EEFSEC: variants seen among roughly 807,000 people sequenced by gnomAD.
The protein encoded by EEFSEC is selenocysteine-specific elongation factor.
Under a neutral mutation model 42.1 loss-of-function variants are expected in EEFSEC, and 43 were observed. The observed-to-expected ratio is 1.02, with a 90% CI of 0.80 to 1.32. The LOEUF is 1.32. Ranked by LOEUF, EEFSEC falls within the 40% of genes most tolerant of loss-of-function variation. The pLI, the probability that EEFSEC is intolerant of heterozygous loss-of-function variation, is 0.00. For synonymous variants in EEFSEC, 354 were observed against 339.1 expected (o/e 1.04, Z -0.48); for missense variants, 745 against 803.6 (o/e 0.93, Z 0.88).
chr3:128,336,454 C>G (rs2067190468), intron 4 of EEFSEC, among the ~76,000 whole-genome samples: 1 of 152,208 alleles, frequency 6.6e-6, no homozygotes, highest in South Asian at 2.1e-4. Flanking sequence ...TGTGCCCCAT[C>G]ACTGGTGGCT....
chr3:128,182,285 G>C (rs187764859), intron 1 of EEFSEC, among the ~76,000 whole-genome samples: 2 of 150,362 alleles, frequency 1.3e-5, no homozygotes, highest in Non-Finnish European at 3.0e-5. Context: ...TGAAGAAAAG[G>C]TGACTCAGAC....
intron 1 of EEFSEC, among the ~76,000 whole-genome samples, chr3:128,246,521 G>T (rs1246017015): frequency 6.6e-6 from 1 of 152,138 alleles, no homozygotes; most frequent in Non-Finnish European, 1.5e-5. Flanking sequence ...AAAGTGATAG[G>T]ATTGGTGCAA....
intron 4 of EEFSEC, among the ~76,000 whole-genome samples, chr3:128,302,133 G>A (rs2066775837): frequency 6.6e-6 from 1 of 152,090 alleles, no homozygotes; most frequent in African/African-American, 2.4e-5. Context: ...AACTTTCTTG[G>A]CATGACATTT....
downstream of EEFSEC, among the ~76,000 whole-genome samples, chr3:128,411,882 C>T (rs1462513872): frequency 6.6e-6 from 1 of 152,234 alleles, no homozygotes; most frequent in African/African-American, 2.4e-5. Flanking sequence ...CATGTGCGCA[C>T]ACGGGCTTTG....
At chr3:128,281,990 T>G (rs1038323886) in intron 4 of EEFSEC, among the ~76,000 whole-genome samples, 18 of 152,220 alleles carry the variant, frequency 1.2e-4, no homozygotes, top group Non-Finnish European at 5.9e-5. Context: ...AAGCTGAGGC[T>G]GTCCAGCCTG....
chr3:128,291,798 T>G (rs1338841292), intron 4 of EEFSEC, among the ~76,000 whole-genome samples: 1 of 152,236 alleles, frequency 6.6e-6, no homozygotes, highest in African/African-American at 2.4e-5. Context: ...TTAATTCACT[T>G]GCCAGGAAGT....
At chr3:128,379,076 C>T (rs2107612331) in intron 6 of EEFSEC, among the ~76,000 whole-genome samples, 1 of 152,350 alleles carries the variant, frequency 6.6e-6, no homozygotes. Context: ...TCTTAGCCCG[C>T]CACTGCCCTT....
chr3:128,326,053 G>A (rs1314411674), intron 4 of EEFSEC, among the ~76,000 whole-genome samples: 1 of 152,234 alleles, frequency 6.6e-6, no homozygotes, highest in African/African-American at 2.4e-5. Flanking sequence ...CTGGACCAGT[G>A]TGATCTTGTG....
chr3:128,390,959 C>T (rs901206631), intron 6 of EEFSEC, among the ~76,000 whole-genome samples: 1 of 152,362 alleles, frequency 6.6e-6, no homozygotes, highest in Admixed American at 6.5e-5. Context: ...ACCCTGGGCC[C>T]TTTGCTGATC....
At chr3:128,167,809 C>G (rs935781551) in intron 1 of EEFSEC, among the ~76,000 whole-genome samples, 1 of 152,216 alleles carries the variant, frequency 6.6e-6, no homozygotes, top group Admixed American at 6.5e-5. Flanking sequence ...CCTCCCAGAT[C>G]GTATATTTTC....
chr3:128,424,047 C>T, the EEFSEC span, among the ~76,000 whole-genome samples: 22 of 152,124 alleles, frequency 1.4e-4, no homozygotes, highest in Admixed American at 1.2e-3. Context: ...ACCACACACC[C>T]GCACACACAC....
chr3:128,300,559 A>C (rs917153585), intron 4 of EEFSEC, among the ~76,000 whole-genome samples: 1 of 151,704 alleles, frequency 6.6e-6, no homozygotes, highest in Non-Finnish European at 1.5e-5. Context: ...AAAAAAAAAA[A>C]AAAGGCCAGT....
chr3:128,327,592 A>C lies in EEFSEC; in HGVS notation c.787-13641A>C, dbSNP rs2067079009. Among the ~76,000 whole-genome samples, 4 of 152,324 alleles carry C rather than the reference A, an allele frequency of 2.6e-5. No homozygotes were observed. The Middle Eastern group carries it at 0.014, about 518-fold the overall frequency. On this transcript the variant is annotated intron_variant, in intron 4 of 6. Coordinates refer to ENST00000254730, the MANE Select transcript of EEFSEC (RefSeq NM_021937.5). Reference sequence around the variant, plus strand: ...AAAGCCAGTGGAAGGAATAAGGGAGATGGGCCATGAAGAATGAGTGCTGGG... The same window carrying C: ...AAAGCCAGTGGAAGGAATAAGGGAGCTGGGCCATGAAGAATGAGTGCTGGG...
At chr3:128,386,905 A>G (rs1373159344) in intron 6 of EEFSEC, among the ~76,000 whole-genome samples, 1 of 152,216 alleles carries the variant, frequency 6.6e-6, no homozygotes, top group East Asian at 1.9e-4. Flanking sequence ...GCCCACCTCC[A>G]ACACTGGGGG....
intron 4 of EEFSEC, among the ~76,000 whole-genome samples, chr3:128,287,369 G>A (rs4342116): frequency 0.015 from 2,349 of 152,310 alleles, 61 homozygotes; most frequent in African/African-American, 0.052. Context: ...GCCCTGGGAA[G>A]TGGAGTCCCA....
chr3:128,202,648 T>G (rs1336437665), intron 1 of EEFSEC, among the ~76,000 whole-genome samples: 1 of 152,236 alleles, frequency 6.6e-6, no homozygotes, highest in Non-Finnish European at 1.5e-5. Flanking sequence ...CTTTATGTTC[T>G]TTTTCTTAAC....
intron 2 of EEFSEC, among the ~76,000 whole-genome samples, chr3:128,253,087 T>G (rs945061932): frequency 2.0e-5 from 3 of 152,230 alleles, no homozygotes; most frequent in Non-Finnish European, 4.4e-5. Flanking sequence ...GAAGGCTAGC[T>G]TCTCTTGAGT....
chr3:128,279,378 G>C (rs928142034), intron 4 of EEFSEC, among the ~76,000 whole-genome samples: 3 of 152,192 alleles, frequency 2.0e-5, no homozygotes, highest in Admixed American at 6.5e-5. Context: ...CCCACTAGAT[G>C]CCAATAGCAC....
At chr3:128,262,007 T>G in intron 2 of EEFSEC, 121 bp from the exon 3 acceptor site, 1 of 879,022 alleles carries the variant, frequency 1.1e-6, no homozygotes, top group Non-Finnish European at 1.8e-6. Flanking sequence ...TAGGCTTGGT[T>G]GATGTGGGGA....
Sources: allele counts gnomAD v4.1 joint callset (sites outside exome capture counted in the v4.1 genomes callset), GRCh38; gene constraint gnomAD v4.1.1; transcripts MANE v1.5; gene names NCBI Gene and HGNC (gene_info 2026-07-23, HGNC 2026-07-21).